Variants in TRIML2 observed in about 807,000 individuals in gnomAD.
TRIML2 encodes tripartite motif family like 2.
TRIML2 carries 28 observed loss-of-function variants against 31.2 expected under a neutral mutation model. The observed-to-expected ratio is 0.90, with a 90% CI of 0.66 to 1.23. TRIML2 has a LOEUF of 1.23. Ranked by LOEUF, TRIML2 falls within the 50% of genes most tolerant of loss-of-function variation. TRIML2 has a pLI of 0.00. For missense variants in TRIML2, 536 were observed against 528.3 expected, an observed-to-expected ratio of 1.01 and a Z score of -0.14; for synonymous variants, 187 against 197.5, an observed-to-expected ratio of 0.95 and a Z score of 0.45.
intron 7 of TRIML2, chr4:188,092,969 C>T (rs765357076): frequency 2.1e-5 from 9 of 434,570 alleles, no homozygotes; most frequent in Non-Finnish European, 4.6e-6. Context: ...GGTAACTGTG[C>T]ATAGCTTCAG....
At chr4:188,098,320 G>GAA in intron 5 of TRIML2, 1 of 426,990 alleles carries the variant, frequency 2.3e-6, no homozygotes, top group South Asian at 1.7e-5. Flanking sequence ...ATCCCTCCTA[G>GAA]GTAGCCTCCA....
At chr4:188,101,920 G>C (rs1448431916) in intron 3 of TRIML2, among the ~76,000 whole-genome samples, 1 of 151,856 alleles carries the variant, frequency 6.6e-6, no homozygotes, top group South Asian at 2.1e-4. Flanking sequence ...CACGAGGTCA[G>C]GAGATCGAGA....
At position 188,101,240 on chromosome 4, in the gene TRIML2, T is replaced by A. The variant is rs114952469; in HGVS notation, c.296A>T (p.Gln99Leu). Residue 99 changes from glutamine (Q) to leucine (L), a missense_variant, in exon 4 of 8, where the codon CAA becomes CTA. Gln to Leu is a moderately radical substitution (Grantham distance 113). Transcript: ENST00000682553. ...AGACTCAATCATCTTTTTAAAATTT[T>A]GTTCCTCTTCCTTCCTCATATAGAC... ...ERMAMIQEEEQNFKKMIESEY... is the reference protein window; with the variant it reads ...ERMAMIQEEELNFKKMIESEY... The A allele has an allele frequency of 1.4e-5, 22 of 1,610,590 alleles. No homozygotes were observed. Among genetic ancestry groups the A allele is most frequent in the Non-Finnish European group, 1.5e-5 (18 of 1,179,214 alleles).
intron 5 of TRIML2, among the ~76,000 whole-genome samples, chr4:188,097,726 C>G (rs931995891): frequency 6.6e-6 from 1 of 152,190 alleles, no homozygotes; most frequent in African/African-American, 2.4e-5. Context: ...TGCCTGCATG[C>G]TCAAGAACTG....
chr4:188,104,776 C>CATAAACATGA, intron 3 of TRIML2, 61 bp downstream of exon 3: 1 of 1,338,516 alleles, frequency 7.5e-7, no homozygotes, highest in Non-Finnish European at 1.1e-6. Flanking sequence ...TTATGATACA[C>CATAAACATGA]TATTTTCTAA....
At chr4:188,105,154 T>C (rs148885182) in intron 2 of TRIML2, 26 bp downstream of exon 2, 4 of 1,589,530 alleles carry the variant, frequency 2.5e-6, no homozygotes, top group Non-Finnish European at 3.4e-6. Context: ...CCAGAGTGTT[T>C]TGGGATTTGC....
chr4:188,100,990 G>T, intron 4 of TRIML2, 66 bp downstream of exon 4: 1 of 1,426,462 alleles, frequency 7.0e-7, no homozygotes, highest in South Asian at 1.4e-5. Flanking sequence ...TTTTGGAATT[G>T]ACATAATGTT....
chr4:188,098,910 A>T, intron 5 of TRIML2, 125 bp downstream of exon 5: 1 of 1,117,598 alleles, frequency 8.9e-7, no homozygotes, highest in Non-Finnish European at 1.2e-6. Context: ...AAAGTCATGT[A>T]GCCTTCTTTT....
intron 5 of TRIML2, among the ~76,000 whole-genome samples, chr4:188,098,465 G>C (rs28571159): frequency 2.0e-5 from 3 of 152,272 alleles, no homozygotes; most frequent in East Asian, 1.9e-4. Flanking sequence ...CCATCGCCTT[G>C]GGGGAGAGGA....
intron 7 of TRIML2, among the ~76,000 whole-genome samples, chr4:188,095,906 A>ATGC (rs1243892842): frequency 6.6e-6 from 1 of 152,210 alleles, no homozygotes; most frequent in South Asian, 2.1e-4. Flanking sequence ...GACGTTCTAT[A>ATGC]TGTCAACTGC....
chr4:188,094,250 T>C (rs13119788), intron 7 of TRIML2, among the ~76,000 whole-genome samples: 21,204 of 152,158 alleles, frequency 0.14, 1,542 homozygotes, highest in East Asian at 0.21. Context: ...CCACTTCTGT[T>C]CAACACACTG....
At chr4:188,099,304 C>T (rs138098491) in intron 4 of TRIML2, 129 bp from the exon 5 acceptor site, 8 of 1,214,114 alleles carry the variant, frequency 6.6e-6, no homozygotes, top group South Asian at 1.6e-5. Context: ...CAGTGGCTCA[C>T]GCCTGTAATC....
rs377666200 is a variant in TRIML2 at position 188,101,909 on chromosome 4, T to C, written c.286-659A>G. Reference sequence around the variant, plus strand: ...ACTTTGGGAGGCCGAGGCAGGCGGATCACGAGGTCAGGAGATCGAGACCAT... The same window carrying C: ...ACTTTGGGAGGCCGAGGCAGGCGGACCACGAGGTCAGGAGATCGAGACCAT... On this transcript the variant is annotated intron_variant, in intron 3 of 7. Transcript: ENST00000682553. Among the ~76,000 whole-genome samples, 19 of 151,876 alleles carry C rather than the reference T, an allele frequency of 1.3e-4. No individual in the cohort carries two copies. The East Asian group carries it at 3.2e-3, about 25-fold the overall frequency.
intron 1 of TRIML2, among the ~76,000 whole-genome samples, chr4:188,107,355 A>C (rs1419094558): frequency 2.6e-5 from 4 of 152,174 alleles, no homozygotes; most frequent in African/African-American, 9.7e-5. Flanking sequence ...TGCAGTTTTA[A>C]ATTTCTAATA....
Position 188,091,718 on chromosome 4 carries a change from G to A in TRIML2, c.969C>T (p.Gly323=). The A allele has an allele frequency of 6.2e-7, 1 of 1,614,070 alleles. No homozygotes were observed. Among genetic ancestry groups the A allele is most frequent in the Non-Finnish European group, 8.5e-7 (1 of 1,179,952 alleles). Residue 323 remains glycine, a synonymous_variant, in exon 8 of 8, where the codon GGC becomes GGT. Transcript: ENST00000682553. Reference sequence around the variant, plus strand: ...CCGTGCTGCCCTTCGCGTCTGCAGAGCCGTGGTATATGCCCACTTGCCACC... The same window carrying A: ...CCGTGCTGCCCTTCGCGTCTGCAGAACCGTGGTATATGCCCACTTGCCACC... The part of the protein sequence containing the change: ...ATRWQVGIYH[G]SADAKGSTAR...
intron 7 of TRIML2, among the ~76,000 whole-genome samples, chr4:188,093,802 A>AT (rs1238160307): frequency 6.6e-6 from 1 of 152,098 alleles, no homozygotes; most frequent in Non-Finnish European, 1.5e-5. Flanking sequence ...AAAGGCAGCC[A>AT]TTAAAAAAAA....
rs1334816393 is a variant in TRIML2 at position 188,091,641 on chromosome 4, T to C, written c.1046A>G (p.Glu349Gly). The C allele has an allele frequency of 6.2e-7, 1 of 1,613,970 alleles. No individual in the cohort carries two copies. Among genetic ancestry groups the C allele is most frequent in the Admixed American group, 1.7e-5 (1 of 60,020 alleles). The stretch of plus-strand genomic sequence containing the variant: ...AGGGGGGAAGACCCAGAGAGTCCAC[T>C]CGGTCCCCATCACCGACCCCGTGAG... ...VLLTGSVMGT[E>G]WTLWVFPPLK... Residue 349 changes from glutamate (E) to glycine (G), a missense_variant, in exon 8 of 8, where the codon GAG (glutamate) becomes GGG (glycine). Glu to Gly is a moderately conservative substitution (Grantham distance 98). Coordinates refer to ENST00000682553, the MANE Select transcript of TRIML2 (RefSeq NM_173553.4).
At chr4:188,094,127 CA>C (rs1274009362) in intron 7 of TRIML2, among the ~76,000 whole-genome samples, 12 of 142,144 alleles carry the variant, frequency 8.4e-5, no homozygotes, top group Non-Finnish European at 1.5e-4. Flanking sequence ...AAAACAAAAA[CA>C]AAAAACACAA....
intron 1 of TRIML2, among the ~76,000 whole-genome samples, chr4:188,106,241 C>T (rs1039240032): frequency 2.6e-5 from 4 of 151,938 alleles, no homozygotes; most frequent in Non-Finnish European, 4.4e-5. Context: ...GTAGTAGAGA[C>T]GGGGTTTCAC....
Sources: allele counts gnomAD v4.1 joint callset (sites outside exome capture counted in the v4.1 genomes callset), GRCh38; gene constraint gnomAD v4.1.1; transcripts MANE v1.5; gene names NCBI Gene and HGNC (gene_info 2026-07-23, HGNC 2026-07-21).